ZNF385D: variants seen among roughly 807,000 people sequenced by gnomAD.
ZNF385D encodes zinc finger protein 385D.
ZNF385D carries 15 observed loss-of-function variants against 35.8 expected under a neutral mutation model. The observed-to-expected ratio is 0.42, with a 90% confidence interval of 0.28 to 0.64. The LOEUF is 0.64. Among genes scored for constraint, ZNF385D ranks in the 30% least tolerant of loss-of-function variants. ZNF385D has a pLI of 0.23. For synonymous variants in ZNF385D, 212 were observed against 186.8 expected (o/e 1.13, Z -1.10); for missense variants, 474 against 494.6 (o/e 0.96, Z 0.39).
At chr3:22,360,843 G>A (rs1404638932) in intron 2 of ZNF385D, among the ~76,000 whole-genome samples, 8 of 151,980 alleles carry the variant, frequency 5.3e-5, no homozygotes, top group African/African-American at 1.4e-4. Flanking sequence ...GTATTCCTAT[G>A]AGATGCTATT....
intron 3 of ZNF385D, among the ~76,000 whole-genome samples, chr3:21,995,184 G>A (rs961542070): frequency 6.6e-6 from 1 of 152,238 alleles, no homozygotes. Context: ...AGTGGCTTGG[G>A]CAGGCCAGAC....
intron 4 of ZNF385D, among the ~76,000 whole-genome samples, chr3:21,463,782 C>T (rs566129424): frequency 6.6e-6 from 1 of 152,154 alleles, no homozygotes; most frequent in Admixed American, 6.5e-5. Context: ...AGTTTACTAA[C>T]CAAAATCCAA....
intron 3 of ZNF385D, among the ~76,000 whole-genome samples, chr3:21,882,096 T>G (rs935171788): frequency 6.6e-6 from 1 of 152,050 alleles, no homozygotes; most frequent in African/African-American, 2.4e-5. Context: ...TTTAGAATAT[T>G]ACATTAACTT....
chr3:22,154,370 T>C lies in ZNF385D; in HGVS notation c.325+14447A>G, dbSNP rs146496542. 3.3e-3 allele frequency among the ~76,000 whole-genome samples: 507 copies of C among 152,280 alleles called. 8 individuals are homozygous for C. The highest frequency in any genetic ancestry group is 0.012 in the African/African-American group (490 of 41,552). On this transcript the variant is annotated intron_variant, in intron 3 of 5. Transcript: ENST00000494108. ...CCCATGTCTAGAAGGTGGGGTTTTC[T>C]TGCCTCTTACCTTCCCAGGATCCAG...
intron 3 of ZNF385D, among the ~76,000 whole-genome samples, chr3:22,116,337 G>C (rs191395286): frequency 6.6e-6 from 1 of 152,036 alleles, no homozygotes; most frequent in Admixed American, 6.6e-5. Flanking sequence ...AACACATTCA[G>C]CAGTCAACAT....
At chr3:22,123,174 G>GGAAGAGAAGA (rs1011609342) in intron 3 of ZNF385D, among the ~76,000 whole-genome samples, 2 of 152,016 alleles carry the variant, frequency 1.3e-5, no homozygotes, top group African/African-American at 2.4e-5. Context: ...GAGACAGGAT[G>GGAAGAGAAGA]GAAGAGAAGA....
upstream of ZNF385D, among the ~76,000 whole-genome samples, chr3:21,755,180 T>C (rs2070286124): frequency 6.6e-6 from 1 of 152,242 alleles, no homozygotes; most frequent in Non-Finnish European, 1.5e-5. Flanking sequence ...GGCTTTAGTT[T>C]AGTCCACCTT....
chr3:22,174,841 A>G (rs1159470825), intron 2 of ZNF385D, among the ~76,000 whole-genome samples: 5 of 152,140 alleles, frequency 3.3e-5, no homozygotes, highest in Non-Finnish European at 7.4e-5. Context: ...AAGTTTTAGT[A>G]ATATTTATAC....
chr3:22,254,467 T>C (rs1170287089), intron 2 of ZNF385D, among the ~76,000 whole-genome samples: 1 of 151,856 alleles, frequency 6.6e-6, no homozygotes, highest in African/African-American at 2.4e-5. Context: ...GTATCTTCCA[T>C]GTGTTTATAT....
intron 3 of ZNF385D, among the ~76,000 whole-genome samples, chr3:21,954,104 G>A (rs1290270771): frequency 6.6e-6 from 1 of 151,760 alleles, no homozygotes; most frequent in African/African-American, 2.4e-5. Flanking sequence ...ATCCCCATTT[G>A]GAAGATAAGA....
chr3:22,122,676 G>A (rs1016708451), intron 3 of ZNF385D, among the ~76,000 whole-genome samples: 1 of 152,164 alleles, frequency 6.6e-6, no homozygotes, highest in African/African-American at 2.4e-5. Flanking sequence ...GAAGAACAGA[G>A]AGTATATATA....
chr3:21,704,571 T>A (rs540536144), intron 1 of ZNF385D, among the ~76,000 whole-genome samples: 1 of 151,334 alleles, frequency 6.6e-6, no homozygotes, highest in South Asian at 2.1e-4. Flanking sequence ...TGCAGTGGTG[T>A]GATCTCGGCT....
intron 3 of ZNF385D, among the ~76,000 whole-genome samples, chr3:21,960,647 G>C (rs1702537561): frequency 6.6e-6 from 1 of 152,078 alleles, no homozygotes; most frequent in Non-Finnish European, 1.5e-5. Flanking sequence ...TTTGTTTATT[G>C]CAGCACTATT....
chr3:21,775,973 A>G (rs183972027), intron 3 of ZNF385D, among the ~76,000 whole-genome samples: 1 of 151,768 alleles, frequency 6.6e-6, no homozygotes, highest in African/African-American at 2.4e-5. Flanking sequence ...TCTTTCAGAT[A>G]CTCAATTATA....
At chr3:22,128,601 GTCTA>G (rs1198063349) in intron 3 of ZNF385D, among the ~76,000 whole-genome samples, 1 of 151,946 alleles carries the variant, frequency 6.6e-6, no homozygotes, top group African/African-American at 2.4e-5. Context: ...TTTTCAAATA[GTCTA>G]TCTTCAAACT....
chr3:22,064,222 A>G (rs1308750291), intron 3 of ZNF385D, among the ~76,000 whole-genome samples: 4 of 152,212 alleles, frequency 2.6e-5, no homozygotes, highest in African/African-American at 9.6e-5. Flanking sequence ...TGCTCAGGCA[A>G]TACAGGGGTA....
At chr3:21,717,861 C>G (rs2068386055) in intron 1 of ZNF385D, among the ~76,000 whole-genome samples, 1 of 152,170 alleles carries the variant, frequency 6.6e-6, no homozygotes, top group Non-Finnish European at 1.5e-5. Flanking sequence ...ATAAATTACC[C>G]AGTCTCAGGT....
intron 2 of ZNF385D, among the ~76,000 whole-genome samples, chr3:21,590,707 G>A (rs562615462): frequency 1.3e-5 from 2 of 152,062 alleles, no homozygotes; most frequent in Non-Finnish European, 2.9e-5. Context: ...GATGAGCGGA[G>A]GATGTAGTAT....
chr3:21,919,529 CTG>C (rs1242540438), intron 3 of ZNF385D, among the ~76,000 whole-genome samples: 1 of 152,200 alleles, frequency 6.6e-6, no homozygotes, highest in African/African-American at 2.4e-5. Context: ...GGGAGACAGA[CTG>C]TGAGCAGAGA....
Sources: allele counts gnomAD v4.1 joint callset (sites outside exome capture counted in the v4.1 genomes callset), GRCh38; gene constraint gnomAD v4.1.1; transcripts MANE v1.5; gene names NCBI Gene and HGNC (gene_info 2026-07-23, HGNC 2026-07-21).